Variants in ANAPC7 observed in about 807,000 individuals in gnomAD.
ANAPC7 encodes the protein anaphase promoting complex subunit 7, also known as anaphase-promoting complex subunit 7.
ANAPC7 carries 25 observed loss-of-function variants against 63.3 expected under a neutral mutation model. The observed-to-expected ratio is 0.39, with a 90% CI of 0.29 to 0.55. The LOEUF is 0.55. Ranked by LOEUF, ANAPC7 falls within the 20% of genes least tolerant of loss-of-function variation. The pLI, the probability that ANAPC7 is intolerant of heterozygous loss-of-function variation, is 0.57. For synonymous variants in ANAPC7, 241 were observed against 251.7 expected, an observed-to-expected ratio of 0.96 and a Z score of 0.40; for missense variants, 516 against 691.7, an observed-to-expected ratio of 0.75 and a Z score of 2.85.
At chr12:110,393,268 G>C (rs78660520) in intron 3 of ANAPC7, among the ~76,000 whole-genome samples, 2 of 152,110 alleles carry the variant, frequency 1.3e-5, no homozygotes, top group African/African-American at 2.4e-5. Context: ...ACCTATGGAA[G>C]GCAAAAAATG....
In ANAPC7 at chr12:110,403,546, T is replaced by TA; in HGVS notation, c.81dup (p.Thr28TyrfsTer4). On this transcript the variant is annotated frameshift_variant, in exon 1 of 11. Transcript: ENST00000455511. LOFTEE classifies it high-confidence loss of function. The stretch of plus-strand genomic sequence containing the variant: ...ACTCACGGGTTGTTATTACTCATTG[T>TA]AAGTAACAAGCTGCTGAGGAGCCGC... 1 of 1,605,434 alleles carries TA rather than the reference T, an allele frequency of 6.2e-7. No homozygotes were observed. The highest frequency in any genetic ancestry group is 8.5e-7 in the Non-Finnish European group (1 of 1,176,624).
intron 1 of ANAPC7, 86 bp downstream of exon 1, chr12:110,403,441 C>T: frequency 6.9e-7 from 1 of 1,448,326 alleles, no homozygotes; most frequent in Non-Finnish European, 9.4e-7. Flanking sequence ...CGCTCCTTCC[C>T]GCCTGTTCCC....
intron 6 of ANAPC7, among the ~76,000 whole-genome samples, chr12:110,385,934 T>C (rs1245370004): frequency 5.9e-5 from 9 of 152,178 alleles, no homozygotes; most frequent in Non-Finnish European, 1.3e-4. Flanking sequence ...ACCTTATCCC[T>C]TTCTTATTCC....
chr12:110,385,544 T>C (rs1242121592), intron 6 of ANAPC7, among the ~76,000 whole-genome samples: 1 of 152,158 alleles, frequency 6.6e-6, no homozygotes, highest in Non-Finnish European at 1.5e-5. Context: ...ATCATTTTCA[T>C]CATGGGTGCA....
chr12:110,403,442 G>GCCTGTTCCCACGTGCCCTGAGCC (rs1245961782), intron 1 of ANAPC7, 85 bp downstream of exon 1: 1 of 1,446,792 alleles, frequency 6.9e-7, no homozygotes, highest in African/African-American at 1.4e-5. Context: ...GCTCCTTCCC[G>GCCTGTTCCCACGTGCCCTGAGCC]CCTGTTCCCA....
At chr12:110,386,566 T>A (rs1359667260) in intron 5 of ANAPC7, 97 bp from the exon 6 acceptor site, 18 of 1,141,618 alleles carry the variant, frequency 1.6e-5, no homozygotes, top group Non-Finnish European at 2.2e-5. Context: ...CTATTTTCTT[T>A]TGCATAAATA....
chr12:110,374,430 AGTCCC>A, intron 10 of ANAPC7, 97 bp from the exon 11 acceptor site: 1 of 1,246,982 alleles, frequency 8.0e-7, no homozygotes. Flanking sequence ...ATGACCACAC[AGTCCC>A]AAAAAATGTG....
intron 8 of ANAPC7, 40 bp downstream of exon 8, chr12:110,381,712 C>T (rs373516411): frequency 1.3e-6 from 2 of 1,593,624 alleles, no homozygotes; most frequent in Non-Finnish European, 1.7e-6. Context: ...TGCTGCCACA[C>T]CCACGGATTC....
chr12:110,377,741 C>T, intron 8 of ANAPC7, 124 bp from the exon 9 acceptor site: 1 of 1,513,660 alleles, frequency 6.6e-7, no homozygotes, highest in Non-Finnish European at 8.9e-7. Flanking sequence ...CCACGGGAAA[C>T]TGATGGTGAG....
rs145084671 is a variant in ANAPC7 at position 110,400,677 on chromosome 12, G to C, written c.101+2850C>G. On this transcript the variant is annotated intron_variant, in intron 1 of 10. Coordinates refer to ENST00000455511, the MANE Select transcript of ANAPC7 (RefSeq NM_016238.3). Reference sequence around the variant, plus strand: ...AAAGGCTCCAGCATAAACACATAAGGCTGACAGAGACCAGGGCTCCTGTCA... The same window carrying C: ...AAAGGCTCCAGCATAAACACATAAGCCTGACAGAGACCAGGGCTCCTGTCA... 2.0e-3 allele frequency among the ~76,000 whole-genome samples: 308 copies of C among 152,208 alleles called. 1 individual carries two copies. The highest frequency in any genetic ancestry group is 7.1e-3 in the African/African-American group (295 of 41,526).
intron 3 of ANAPC7, among the ~76,000 whole-genome samples, chr12:110,394,868 A>G (rs1883434511): frequency 6.6e-6 from 1 of 152,036 alleles, no homozygotes; most frequent in South Asian, 2.1e-4. Context: ...TAAGTTAAAC[A>G]TAAAAAATAA....
rs1881210074 is a variant in ANAPC7, at chr12:110,375,768, C to A, written c.1508+298G>T. On this transcript the variant is annotated intron_variant, in intron 10 of 10. Transcript: ENST00000455511. ...AATATAAAATATATACTAGGTACAG[C>A]CCTATAAAAATATGTGTGTGTGGGC... 3 of 1,049,716 alleles carry A rather than the reference C, an allele frequency of 2.9e-6. No individual in the cohort carries two copies. The South Asian group carries it at 1.3e-4, about 46-fold the overall frequency. The allele number at this position is 1,049,716 out of a possible 1,614,324, so 65.0% of individuals were successfully genotyped here. A position where few individuals can be genotyped will look rare whatever the true frequency, so the allele number is the denominator to read the frequency against.
Position 110,402,332 on chromosome 12 carries a change from A to ATT in ANAPC7, c.101+1193_101+1194dup, listed in dbSNP as rs758118135. Among the ~76,000 whole-genome samples the ATT allele has an allele frequency of 1.1e-3, 163 of 144,294 alleles. 1 individual carries two copies. The highest frequency in any genetic ancestry group is 3.6e-3 in the Middle Eastern group (1 of 274). The allele number at this position is 144,294 out of a possible 152,430, so 94.7% of individuals were successfully genotyped here. On this transcript the variant is annotated intron_variant, in intron 1 of 10. Transcript: ENST00000455511. Reference sequence around the variant, plus strand: ...AGAATTTTCATAAGTGCAATAAAGGATTTTTTTTTTTTTTTGAGACGGAGT... The same window carrying ATT: ...AGAATTTTCATAAGTGCAATAAAGGATTTTTTTTTTTTTTTTTGAGACGGAGT...
chr12:110,375,464 C>T, intron 10 of ANAPC7: 1 of 985,238 alleles, frequency 1.0e-6, no homozygotes. Context: ...TCAAAGAAAC[C>T]ACTTCTGTAT....
chr12:110,391,356 A>G (rs751324036), intron 3 of ANAPC7, among the ~76,000 whole-genome samples: 4 of 152,226 alleles, frequency 2.6e-5, no homozygotes, highest in Non-Finnish European at 5.9e-5. Context: ...AGATTTACCA[A>G]GATTTAATAA....
chr12:110,382,486 ATATATATATT>A (rs1402005197), intron 7 of ANAPC7, among the ~76,000 whole-genome samples: 3 of 133,226 alleles, frequency 2.3e-5, no homozygotes, highest in African/African-American at 8.4e-5. Context: ...ATATATATAT[ATATATATATT>A]TATAGAGACA....
chr12:110,388,005 T>A, intron 4 of ANAPC7, 113 bp from the exon 5 acceptor site: 1 of 1,100,178 alleles, frequency 9.1e-7, no homozygotes. Context: ...TTCCCTATTC[T>A]GAGCGATGCA....
At chr12:110,389,348 A>T (rs1882903272) in intron 3 of ANAPC7, among the ~76,000 whole-genome samples, 1 of 152,220 alleles carries the variant, frequency 6.6e-6, no homozygotes, top group Non-Finnish European at 1.5e-5. Flanking sequence ...GCTAGTTAAG[A>T]AGGATCAGCT....
chr12:110,382,231 T>C (rs924296554), intron 7 of ANAPC7, among the ~76,000 whole-genome samples: 3 of 151,032 alleles, frequency 2.0e-5, no homozygotes, highest in African/African-American at 7.3e-5. Context: ...AGAGAATTTG[T>C]AAAGCCAGGT....
Sources: gnomAD v4.1 joint callset for allele counts (sites outside exome capture counted in the v4.1 genomes callset) on GRCh38, gnomAD v4.1.1 for gene constraint, MANE v1.5 for transcripts, NCBI Gene and HGNC (gene_info 2026-07-23, HGNC 2026-07-21) for gene names.